The following WDR1 variants were observed in gnomAD, a reference collection of about 807,000 sequenced individuals.
The protein encoded by WDR1 is WD repeat-containing protein 1.
WDR1 carries 21 observed loss-of-function variants against 71.9 expected under a neutral mutation model. The observed-to-expected ratio is 0.29, with a 90% CI of 0.21 to 0.42. The LOEUF (loss-of-function observed/expected upper bound fraction) is 0.42. WDR1 is among the 10% of genes least tolerant of loss of function. The probability of loss-of-function intolerance (pLI) is 1.00; values close to 1 mark genes in which losing one functional copy is unlikely to be tolerated. For synonymous variants in WDR1, 424 were observed against 347.4 expected (o/e 1.22, Z -2.45); for missense variants, 696 against 824.5 (o/e 0.84, Z 1.91).
Position 10,102,785 on chromosome 4 carries a change from C to T in WDR1, c.229+1111G>A, listed in dbSNP as rs753793803. Among the ~76,000 whole-genome samples the T allele has an allele frequency of 4.6e-5, 7 of 152,174 alleles. No homozygotes were observed. The East Asian group carries it at 9.6e-4, about 21-fold the overall frequency. On this transcript the variant is annotated intron_variant, in intron 3 of 14. Transcript: ENST00000499869. ...ATAGGGCCACGGCGTGCATGAGTCC[C>T]GCCCTCCCCTACTGGTGCTTAGCTC...
At chr4:10,116,609 C>G (rs1421716492) in intron 1 of WDR1, 42 bp downstream of exon 1, 1 of 1,196,306 alleles carries the variant, frequency 8.4e-7, no homozygotes, top group East Asian at 3.6e-5. Context: ...GGGGCCGGGG[C>G]AGCGCGGCGG....
At chr4:10,083,273 GAGAATCTCGCCGC>G (rs1765085992) in intron 9 of WDR1, 95 bp from the exon 10 acceptor site, 1 of 1,441,252 alleles carries the variant, frequency 6.9e-7, no homozygotes, top group Admixed American at 2.2e-5. Context: ...CATCAAGAAT[GAGAATCTCGCCGC>G]AAACGGACAT....
intron 2 of WDR1, among the ~76,000 whole-genome samples, chr4:10,110,184 G>C (rs1229087217): frequency 3.9e-5 from 6 of 152,176 alleles, no homozygotes; most frequent in Admixed American, 3.9e-4. Context: ...CAAAGCTAAG[G>C]ACCCACAGGT....
In WDR1 at chr4:10,081,398, C is replaced by A; in HGVS notation, c.1243G>T (p.Val415Phe). ...KLDVQPKCVA[V>F]GPGGYAVVVC... ...ACCACGGCGTATCCCCCGGGGCCGA[C>A]GGCTACGCACTTTGGCTGAACGTCC... Residue 415 changes from valine (V) to phenylalanine (F), a missense_variant, in exon 11 of 15, where the codon GTC (valine) becomes TTC (phenylalanine). Transcript: ENST00000499869. 1 of 1,613,968 alleles carries A rather than the reference C, an allele frequency of 6.2e-7. No homozygotes were observed. Among genetic ancestry groups the A allele is most frequent in the South Asian group, 1.1e-5 (1 of 91,068 alleles).
At chr4:10,088,972 G>A (rs1180373183) in intron 5 of WDR1, among the ~76,000 whole-genome samples, 2 of 152,232 alleles carry the variant, frequency 1.3e-5, no homozygotes, top group Non-Finnish European at 2.9e-5. Context: ...TGGGAAAGCT[G>A]ATTAGCCCGA....
intron 11 of WDR1, among the ~76,000 whole-genome samples, chr4:10,080,087 G>A (rs1397385330): frequency 6.6e-6 from 1 of 152,182 alleles, no homozygotes. Context: ...TGCCACATGA[G>A]GAGGTGCAGA....
intron 3 of WDR1, 49 bp from the exon 4 acceptor site, chr4:10,099,188 A>C: frequency 7.2e-6 from 3 of 414,388 alleles, no homozygotes; most frequent in Non-Finnish European, 1.3e-5. Context: ...GGTGGGGTAA[A>C]GGGCAGGGGG....
chr4:10,105,326 G>GT (rs1429657084), intron 2 of WDR1, among the ~76,000 whole-genome samples: 2 of 152,076 alleles, frequency 1.3e-5, no homozygotes, highest in African/African-American at 4.8e-5. Context: ...TCAATAAGTG[G>GT]TTTGGGGGAG....
intron 5 of WDR1, chr4:10,096,491 C>T (rs371265901): frequency 6.6e-6 from 1 of 152,364 alleles, no homozygotes. Flanking sequence ...GGGAGCCTCC[C>T]TATGCTTTCA....
intron 3 of WDR1, among the ~76,000 whole-genome samples, chr4:10,103,297 C>G (rs3890857): frequency 1.7e-4 from 22 of 131,856 alleles, no homozygotes; most frequent in South Asian, 9.6e-4. Context: ...CAGACACACA[C>G]ACACACACAC....
chr4:10,097,316 T>C (rs940274019), intron 5 of WDR1, among the ~76,000 whole-genome samples: 1 of 152,274 alleles, frequency 6.6e-6, no homozygotes, highest in African/African-American at 2.4e-5. Flanking sequence ...GAGACCAATC[T>C]GGATGTCCCG....
intron 13 of WDR1, 68 bp from the exon 14 acceptor site, chr4:10,077,516 G>A (rs1353160829): frequency 5.0e-6 from 8 of 1,603,000 alleles, no homozygotes; most frequent in African/African-American, 4.0e-5. Context: ...ATATCACCTC[G>A]CTTATCCCTC....
At chr4:10,075,582 T>TA (rs1330039375) in intron 14 of WDR1, 98 bp from the exon 15 acceptor site, 3 of 1,131,980 alleles carry the variant, frequency 2.7e-6, no homozygotes, top group Non-Finnish European at 3.9e-6. Flanking sequence ...CTAAATCATC[T>TA]CCAGGGCCAA....
chr4:10,084,202 C>T (rs969215115), intron 9 of WDR1, among the ~76,000 whole-genome samples: 2 of 152,158 alleles, frequency 1.3e-5, no homozygotes, highest in South Asian at 2.1e-4. Context: ...CTGATCAGGT[C>T]GGAGCCGCCC....
At chr4:10,081,548 A>G in intron 10 of WDR1, 104 bp from the exon 11 acceptor site, 1 of 1,011,832 alleles carries the variant, frequency 9.9e-7, no homozygotes, top group Admixed American at 1.9e-5. Flanking sequence ...TTAGAAGGCA[A>G]TTCTATTGCC....
intron 7 of WDR1, 106 bp downstream of exon 7, chr4:10,088,187 C>A (rs1418208229): frequency 8.8e-7 from 1 of 1,132,862 alleles, no homozygotes; most frequent in South Asian, 1.3e-5. Context: ...CGACTTATAG[C>A]CCCTCATTTC....
intron 9 of WDR1, among the ~76,000 whole-genome samples, chr4:10,084,185 G>A (rs1057153425): frequency 6.6e-6 from 1 of 152,200 alleles, no homozygotes; most frequent in Non-Finnish European, 1.5e-5. Flanking sequence ...TGCACGACAA[G>A]AAGGGACTGA....
intron 13 of WDR1, 54 bp from the exon 14 acceptor site, chr4:10,077,502 G>A (rs1764842600): frequency 2.5e-6 from 4 of 1,611,134 alleles, no homozygotes; most frequent in Admixed American, 1.7e-5. Context: ...GGCCGCAGTT[G>A]CCCATATCAC....
intron 11 of WDR1, among the ~76,000 whole-genome samples, chr4:10,080,445 C>T (rs550099290): frequency 6.6e-6 from 1 of 152,350 alleles, no homozygotes; most frequent in East Asian, 1.9e-4. Flanking sequence ...CACCTCCCCA[C>T]CCCCACTGGC....
Sources: gnomAD v4.1 joint callset for allele counts (sites outside exome capture counted in the v4.1 genomes callset) on GRCh38, gnomAD v4.1.1 for gene constraint, MANE v1.5 for transcripts, NCBI Gene and HGNC (gene_info 2026-07-23, HGNC 2026-07-21) for gene names.